The following WRN variants were observed in gnomAD, a reference collection of about 807,000 sequenced individuals.
WRN encodes the protein bifunctional 3'-5' exonuclease/ATP-dependent helicase WRN.
Under a neutral mutation model 180.7 loss-of-function variants are expected in WRN, and 149 were observed. The observed-to-expected ratio is 0.82, with a 90% CI of 0.72 to 0.94. The LOEUF is 0.94. WRN is among the 40% of genes least tolerant of loss of function. WRN has a pLI of 0.00. For synonymous variants in WRN, 548 were observed against 568.9 expected (o/e 0.96, Z 0.52); for missense variants, 1,661 against 1,700.1 (o/e 0.98, Z 0.40).
intron 34 of WRN, 111 bp from the exon 35 acceptor site, chr8:31,172,884 T>C: frequency 1.2e-6 from 1 of 848,898 alleles, no homozygotes; most frequent in Non-Finnish European, 1.9e-6. Flanking sequence ...TTTGTTTGGA[T>C]GGGGGAGAAA....
At chr8:31,120,167 C>G in intron 20 of WRN, 76 bp from the exon 21 acceptor site, 1 of 1,568,336 alleles carries the variant, frequency 6.4e-7, no homozygotes, top group Admixed American at 1.7e-5. Flanking sequence ...ACAAATTATT[C>G]TTACAAAAAG....
At chr8:31,100,097 T>A (rs1330963297) in intron 17 of WRN, among the ~76,000 whole-genome samples, 1 of 152,192 alleles carries the variant, frequency 6.6e-6, no homozygotes, top group African/African-American at 2.4e-5. Flanking sequence ...AAGTATCAAT[T>A]TGTTAATTGA....
At chr8:31,066,607 T>C (rs1250599515) in intron 5 of WRN, among the ~76,000 whole-genome samples, 1 of 152,120 alleles carries the variant, frequency 6.6e-6, no homozygotes, top group African/African-American at 2.4e-5. Context: ...AAAATTTTTT[T>C]TTTTTTAAGG....
intron 1 of WRN, among the ~76,000 whole-genome samples, chr8:31,041,574 T>C (rs1235845763): frequency 1.3e-5 from 2 of 152,228 alleles, no homozygotes; most frequent in Admixed American, 6.5e-5. Flanking sequence ...TTATGTGATA[T>C]AGATTTCAGG....
intron 1 of WRN, among the ~76,000 whole-genome samples, chr8:31,051,515 C>T (rs1055486246): frequency 2.0e-5 from 3 of 152,192 alleles, no homozygotes; most frequent in Non-Finnish European, 4.4e-5. Context: ...CTTCAGCAGA[C>T]AACTTGTCCC....
intron 1 of WRN, among the ~76,000 whole-genome samples, chr8:31,041,125 T>A (rs1811638173): frequency 6.6e-6 from 1 of 152,178 alleles, no homozygotes; most frequent in African/African-American, 2.4e-5. Context: ...TATCTGTATT[T>A]CTGTCTCTGT....
At chr8:31,123,805 A>G (rs1343959454) in intron 21 of WRN, among the ~76,000 whole-genome samples, 1 of 152,132 alleles carries the variant, frequency 6.6e-6, no homozygotes, top group African/African-American at 2.4e-5. Flanking sequence ...GATATTTGAT[A>G]TTCATGGGCT....
chr8:31,087,950 C>T lies in WRN; in HGVS notation c.1576+30C>T, dbSNP rs541475845. On this transcript the variant is annotated intron_variant, in intron 12 of 34. Transcript: ENST00000298139. ...GCACTGAAGTATGTTTGAAATGACT[C>T]ACCTGTGATACCTACCACTGACTTT... The T allele has an allele frequency of 1.2e-5, 20 of 1,605,328 alleles. 1 individual carries two copies. The highest frequency in any genetic ancestry group is 3.3e-4 in the Middle Eastern group (2 of 6,038).
At chr8:31,152,970 G>T (rs754676081) in intron 31 of WRN, among the ~76,000 whole-genome samples, 1 of 151,866 alleles carries the variant, frequency 6.6e-6, no homozygotes. Flanking sequence ...TTGAGCCCGG[G>T]GATTTGAGGC....
chr8:31,135,022 C>T (rs528426063), intron 24 of WRN, among the ~76,000 whole-genome samples: 5 of 152,008 alleles, frequency 3.3e-5, no homozygotes, highest in African/African-American at 7.2e-5. Context: ...CCCAAGCCCC[C>T]CCACCAAAAA....
At chr8:31,142,041 G>A (rs1032089856) in intron 26 of WRN, among the ~76,000 whole-genome samples, 7 of 152,086 alleles carry the variant, frequency 4.6e-5, no homozygotes, top group African/African-American at 1.4e-4. Flanking sequence ...CCTCGATCTC[G>A]TGGGCCCAAG....
chr8:31,104,582 C>T (rs1801016846), intron 18 of WRN, among the ~76,000 whole-genome samples: 1 of 152,064 alleles, frequency 6.6e-6, no homozygotes, highest in Non-Finnish European at 1.5e-5. Context: ...CTTCACCTAG[C>T]CCTAGATCCT....
At chr8:31,068,176 T>C in intron 6 of WRN, 82 bp from the exon 7 acceptor site, 1 of 1,045,278 alleles carries the variant, frequency 9.6e-7, no homozygotes, top group South Asian at 1.4e-5. Context: ...AATCATTCTC[T>C]TCGATTTTTC....
rs1813289299 is a variant in WRN at position 31,081,067 on chromosome 8, G to T, written c.1040G>T (p.Trp347Leu). 1 of 1,613,956 alleles carries T rather than the reference G, an allele frequency of 6.2e-7. No homozygotes were observed. The highest frequency in any genetic ancestry group is 8.5e-7 in the Non-Finnish European group (1 of 1,179,960). Residue 347 changes from tryptophan to leucine, a missense_variant, in exon 9 of 35, where the codon TGG becomes TTG. This residue lies in a region of WRN where 500 missense variants were observed against 504.1 expected (regional missense o/e 0.99). Coordinates refer to ENST00000298139, the MANE Select transcript of WRN (RefSeq NM_000553.6). ...TTAATTCACGTTGAAGATGAAACAT[G>T]GGACCCAACACTTGATCATTTAGCT... is the stretch of plus-strand genomic sequence containing the variant. ...EVLIHVEDET[W>L]DPTLDHLAKH...
chr8:31,152,612 T>G (rs1300665935), intron 31 of WRN, among the ~76,000 whole-genome samples: 1 of 152,044 alleles, frequency 6.6e-6, no homozygotes, highest in Non-Finnish European at 1.5e-5. Flanking sequence ...AGGACAAAAG[T>G]TGGCAAAGCT....
At chr8:31,107,478 C>T (rs1223535096) in intron 18 of WRN, among the ~76,000 whole-genome samples, 1 of 152,192 alleles carries the variant, frequency 6.6e-6, no homozygotes, top group Admixed American at 6.5e-5. Context: ...CACATTCCTT[C>T]TGTTGGGCCT....
intron 33 of WRN, among the ~76,000 whole-genome samples, chr8:31,159,089 A>G (rs1442270025): frequency 6.6e-6 from 1 of 152,104 alleles, no homozygotes; most frequent in East Asian, 1.9e-4. Context: ...GCTTGAGCTC[A>G]GGAGTTCAAG....
intron 11 of WRN, 146 bp from the exon 12 acceptor site, chr8:31,087,630 A>G: frequency 1.4e-6 from 1 of 739,734 alleles, no homozygotes; most frequent in South Asian, 1.6e-5. Flanking sequence ...AAACCGGAGC[A>G]CACATGTTCT....
chr8:31,136,725 C>G (rs1802411568), intron 24 of WRN, among the ~76,000 whole-genome samples: 1 of 151,936 alleles, frequency 6.6e-6, no homozygotes, highest in Non-Finnish European at 1.5e-5. Flanking sequence ...TGTAGTCCTC[C>G]TTGTGGGAGG....
Sources: gnomAD v4.1 joint callset for allele counts (sites outside exome capture counted in the v4.1 genomes callset) on GRCh38, gnomAD v4.1.1 for gene constraint, gnomAD v4.1.1 regional missense constraint, MANE v1.5 for transcripts, NCBI Gene and HGNC (gene_info 2026-07-23, HGNC 2026-07-21) for gene names.